NR2F2: variants seen among roughly 807,000 people sequenced by gnomAD.
The protein encoded by NR2F2 is nuclear receptor subfamily 2 group F member 2, also known as COUP transcription factor 2.
NR2F2 carries 2 observed loss-of-function variants against 34.8 expected under a neutral mutation model. The observed-to-expected ratio is 0.06, with a 90% CI of 0.02 to 0.18. NR2F2 has a LOEUF of 0.18. Ranked by LOEUF, NR2F2 falls within the 10% of genes least tolerant of loss-of-function variation. NR2F2 has a pLI of 1.00. For synonymous variants in NR2F2, 274 were observed against 251.8 expected, an observed-to-expected ratio of 1.09 and a Z score of -0.84; for missense variants, 300 against 580.1, an observed-to-expected ratio of 0.52 and a Z score of 4.96.
At chr15:96,329,724 G>A (rs1899079221), upstream of NR2F2, among the ~76,000 whole-genome samples, 1 of 152,148 alleles carries the variant, frequency 6.6e-6, no homozygotes, top group Non-Finnish European at 1.5e-5. Context: ...AGTGGGCAGA[G>A]GTCTTTCCCC....
In NR2F2 at chr15:96,332,313, A is replaced by AAGCAGC; in HGVS notation, c.219_224dup (p.Gln74_Gln75dup). ...CGGCCCTGGCGGCCCGGGTAGCGAC[A>AAGCAGC]AGCAGCAGCAGCAGCAACACATCGA... On this transcript the variant is annotated inframe_insertion, in exon 1 of 3. Transcript: ENST00000394166. 6.3e-7 allele frequency: 1 copy of AAGCAGC among 1,589,204 alleles called. No individual in the cohort carries two copies. The highest frequency in any genetic ancestry group is 8.6e-7 in the Non-Finnish European group (1 of 1,168,210).
chr15:96,336,386 G>T (rs183360578), intron 2 of NR2F2, among the ~76,000 whole-genome samples: 1 of 152,278 alleles, frequency 6.6e-6, no homozygotes, highest in Non-Finnish European at 1.5e-5. Context: ...CAGAGTCCTA[G>T]ATATACATAT....
Position 96,335,495 on chromosome 15 carries a change from C to CA in NR2F2, c.970+893dup, listed in dbSNP as rs1377685169. 1.1e-4 allele frequency among the ~76,000 whole-genome samples: 17 copies of CA among 152,134 alleles called. No individual in the cohort carries two copies. In the Admixed American group the frequency reaches 1.1e-3, roughly 10 times the overall value. ...CACACCTGAGCTTTTTGGCTGCCTC[C>CA]AGGCTGAGTTCAGCATAGCCCAGGT... On this transcript the variant is annotated intron_variant, in intron 2 of 2. Coordinates refer to ENST00000394166, the MANE Select transcript of NR2F2 (RefSeq NM_021005.4).
At position 96,331,961 on chromosome 15, in the gene NR2F2, C is replaced by A; in HGVS notation, c.-145C>A. 8.3e-7 allele frequency: 1 copy of A among 1,209,902 alleles called. No homozygotes were observed. 74.9% of individuals were successfully genotyped at this position (1,209,902 alleles called of 1,614,324 possible). On this transcript the variant is annotated 5_prime_UTR_variant, in exon 1 of 3. Coordinates refer to ENST00000394166, the MANE Select transcript of NR2F2 (RefSeq NM_021005.4). ...CAACCTCAACCAACCAGCCCCCGAG[C>A]CACCCGGGGCGCCCTCCCGCGCCCT... is the stretch of plus-strand genomic sequence containing the variant.
chr15:96,335,958 T>C (rs147639899), intron 2 of NR2F2, among the ~76,000 whole-genome samples: 1 of 152,134 alleles, frequency 6.6e-6, no homozygotes, highest in African/African-American at 2.4e-5. Flanking sequence ...TGGATAGGGA[T>C]TATTTTTCTC....
intron 1 of NR2F2, chr15:96,333,606 G>A (rs1899223952): frequency 3.9e-6 from 4 of 1,017,550 alleles, no homozygotes; most frequent in Non-Finnish European, 4.7e-6. Flanking sequence ...CGGGGTTTGT[G>A]GGAGAGTCGT....
At chr15:96,328,836 C>T (rs1045226012), upstream of NR2F2, among the ~76,000 whole-genome samples, 6 of 149,772 alleles carry the variant, frequency 4.0e-5, no homozygotes, top group Admixed American at 6.6e-5. Context: ...GTGATTTCAT[C>T]GGAGAAAGAG....
chr15:96,332,706 C>T, intron 1 of NR2F2, 159 bp downstream of exon 1: 1 of 1,419,842 alleles, frequency 7.0e-7, no homozygotes, highest in South Asian at 1.5e-5. Context: ...CATTGGAACC[C>T]AGACCCCAAA....
rs1237379937 is a variant in NR2F2, at chr15:96,332,147, G to T, written c.42G>T (p.Glu14Asp). The T allele has an allele frequency of 2.9e-6, 4 of 1,356,460 alleles. No homozygotes were observed. The East Asian group carries it at 1.3e-4, about 43-fold the overall frequency. The allele number at this position is 1,356,460 out of a possible 1,614,324, so 84.0% of individuals were successfully genotyped here. The change falls in exon 1 of 3, where the codon GAG (glutamate) becomes GAT (aspartate). Residue 14 changes from glutamate (E) to aspartate (D), a missense_variant. Glu to Asp is a conservative substitution (Grantham distance 45). Transcript: ENST00000394166. ...VVSTWRDPQDEVPGSQGSQAS... is the reference protein window; with the variant it reads ...VVSTWRDPQDDVPGSQGSQAS... Reference sequence around the variant, plus strand: ...GCACGTGGCGCGACCCCCAGGACGAGGTGCCCGGCTCACAGGGCAGCCAGG... The same window carrying T: ...GCACGTGGCGCGACCCCCAGGACGATGTGCCCGGCTCACAGGGCAGCCAGG...
chr15:96,332,737 G>A, intron 1 of NR2F2, 190 bp downstream of exon 1: 1 of 1,281,960 alleles, frequency 7.8e-7, no homozygotes, highest in Non-Finnish European at 1.0e-6. Context: ...TTGGCCGACT[G>A]ATTTCCTTCT....
rs947976341 is a variant in NR2F2 at position 96,331,798 on chromosome 15, C to T, written c.-308C>T. ...CTGCTCCCACTCGCTCTCCTGTCCC[C>T]TTCCCCTCCCCTCCCGGCGGAAAGC... On this transcript the variant is annotated 5_prime_UTR_variant, in exon 1 of 3. Transcript: ENST00000394166. 120 of 1,204,452 alleles carry T rather than the reference C, an allele frequency of 1.0e-4. No individual in the cohort carries two copies. In the African/African-American group the frequency reaches 1.5e-3, roughly 15 times the overall value. The allele number at this position is 1,204,452 out of a possible 1,614,324, so 74.6% of individuals were successfully genotyped here. A position where few individuals can be genotyped will look rare whatever the true frequency, so the allele number is the denominator to read the frequency against.
chr15:96,326,390 CT>C, upstream of NR2F2: 1 of 1,561,210 alleles, frequency 6.4e-7, no homozygotes, highest in Non-Finnish European at 8.8e-7. This position sits in a 1 kb window ranked among gnomAD's most constrained non-coding sequence, Gnocchi z 5.5. Context: ...TCTCTCTTTC[CT>C]TTCTCACTTT....
Position 96,337,667 on chromosome 15 carries a change from A to T in NR2F2, c.*45A>T, listed in dbSNP as rs1899374762. On this transcript the variant is annotated 3_prime_UTR_variant, in exon 3 of 3. Coordinates refer to ENST00000394166, the MANE Select transcript of NR2F2 (RefSeq NM_021005.4). ...GGAGTGAAACAGAGAAAGAAAAGGCAAAAGACTGGTTTGTTTGCTTAATTT... is the reference window on the plus strand; with the variant it reads ...GGAGTGAAACAGAGAAAGAAAAGGCTAAAGACTGGTTTGTTTGCTTAATTT... The T allele has an allele frequency of 6.4e-7, 1 of 1,574,046 alleles. No homozygotes were observed. The highest frequency in any genetic ancestry group is 8.7e-7 in the Non-Finnish European group (1 of 1,155,916).
intron 2 of NR2F2, among the ~76,000 whole-genome samples, chr15:96,335,645 T>C (rs1220677032): frequency 1.3e-5 from 2 of 152,218 alleles, no homozygotes; most frequent in Admixed American, 1.3e-4. Context: ...TTAGCAGGGC[T>C]TGGAACCTAG....
At position 96,340,007 on chromosome 15, in the gene NR2F2, G is replaced by C. The variant is rs1306836767; in HGVS notation, c.*2385G>C. 1 of 152,172 alleles carries C rather than the reference G, an allele frequency of 6.6e-6. No homozygotes were observed. Among genetic ancestry groups the C allele is most frequent in the Non-Finnish European group, 1.5e-5 (1 of 68,036 alleles). 9.4% of individuals were successfully genotyped at this position (152,172 alleles called of 1,614,324 possible). On this transcript the variant is annotated 3_prime_UTR_variant, in exon 3 of 3. Coordinates refer to ENST00000394166, the MANE Select transcript of NR2F2 (RefSeq NM_021005.4). Reference sequence around the variant, plus strand: ...CTCCATCTGACTCTCACTTATTTCTGTAGATATATACATATATAAATACAA... The same window carrying C: ...CTCCATCTGACTCTCACTTATTTCTCTAGATATATACATATATAAATACAA...
At chr15:96,332,608 C>A in intron 1 of NR2F2, 61 bp downstream of exon 1, 1 of 1,575,808 alleles carries the variant, frequency 6.3e-7, no homozygotes, top group Non-Finnish European at 8.7e-7. Flanking sequence ...GTACGTTTGG[C>A]TAGCCTGCTC....
In NR2F2 at chr15:96,337,281, A is replaced by ATTCTTCTTCTTC. The variant is rs3833035; in HGVS notation, c.971-52_971-41dup. On this transcript the variant is annotated intron_variant, in intron 2 of 2. Coordinates refer to ENST00000394166, the MANE Select transcript of NR2F2 (RefSeq NM_021005.4). The stretch of plus-strand genomic sequence containing the variant: ...TCAAACCTCTTAATCTGATGACTGA[A>ATTCTTCTTCTTC]TTCTTCTTCTTCTTCTTCTTCTTCT... 5.3e-6 allele frequency: 8 copies of ATTCTTCTTCTTC among 1,499,140 alleles called. No individual in the cohort carries two copies. The African/African-American group carries it at 7.1e-5, about 13-fold the overall frequency. 92.9% of individuals were successfully genotyped at this position (1,499,140 alleles called of 1,614,324 possible).
upstream of NR2F2, among the ~76,000 whole-genome samples, chr15:96,328,294 G>A (rs138793529): frequency 7.2e-5 from 11 of 152,252 alleles, no homozygotes; most frequent in Non-Finnish European, 8.8e-5. Context: ...AGGCCATCAC[G>A]CATACTTCAA....
At chr15:96,332,603 T>C (rs901269508) in intron 1 of NR2F2, 56 bp downstream of exon 1, 208 of 1,583,448 alleles carry the variant, frequency 1.3e-4, no homozygotes, top group Non-Finnish European at 1.8e-4. Flanking sequence ...CCTGGGTACG[T>C]TTGGCTAGCC....
Sources: gnomAD v4.1 joint callset for allele counts (sites outside exome capture counted in the v4.1 genomes callset) on GRCh38, gnomAD v4.1.1 for gene constraint, Gnocchi (gnomAD v3.1) non-coding constraint, MANE v1.5 for transcripts, NCBI Gene and HGNC (gene_info 2026-07-23, HGNC 2026-07-21) for gene names.